Variants in STN1 observed in about 807,000 individuals in gnomAD.
STN1 encodes the protein STN1 subunit of CST complex.
STN1 carries 29 observed loss-of-function variants against 45.5 expected under a neutral mutation model. The ratio of observed to expected loss-of-function variants is 0.64; its 90% confidence interval spans 0.47 to 0.87. The LOEUF is 0.87. STN1 is among the 40% of genes least tolerant of loss of function. STN1 has a pLI of 0.00. For synonymous variants in STN1, 148 were observed against 159.0 expected, an observed-to-expected ratio of 0.93 and a Z score of 0.52; for missense variants, 376 against 441.4, an observed-to-expected ratio of 0.85 and a Z score of 1.33.
At chr10:103,912,481 C>G (rs533614546) in intron 2 of STN1, among the ~76,000 whole-genome samples, 1 of 152,324 alleles carries the variant, frequency 6.6e-6, no homozygotes, top group South Asian at 2.1e-4. Flanking sequence ...GGATAGGGAG[C>G]CTGCAGAGAA....
chr10:103,890,276 A>G (rs1843131173), intron 8 of STN1, among the ~76,000 whole-genome samples: 1 of 152,160 alleles, frequency 6.6e-6, no homozygotes, highest in South Asian at 2.1e-4. Flanking sequence ...CTCAGCTCAC[A>G]AGGTTATGAC....
chr10:103,889,424 T>G (rs1843124302), intron 8 of STN1, among the ~76,000 whole-genome samples: 1 of 152,134 alleles, frequency 6.6e-6, no homozygotes, highest in African/African-American at 2.4e-5. Flanking sequence ...TCAACACTCA[T>G]AACACATTTT....
intron 7 of STN1, among the ~76,000 whole-genome samples, chr10:103,894,691 CA>C (rs75334190): frequency 0.038 from 4,014 of 106,382 alleles, 160 homozygotes; most frequent in African/African-American, 0.13. Context: ...TGCTCACAGG[CA>C]AAAAAAAAAA....
intron 7 of STN1, among the ~76,000 whole-genome samples, chr10:103,896,474 C>T (rs891105788): frequency 6.6e-6 from 1 of 152,060 alleles, no homozygotes; most frequent in Non-Finnish European, 1.5e-5. Context: ...AGTCACGTTA[C>T]AACAACAACA....
rs1843045577 is a variant in STN1 at position 103,878,547 on chromosome 10, A to C, written c.*4137T>G. On this transcript the variant is annotated 3_prime_UTR_variant, in exon 10 of 10. Transcript: ENST00000224950. ...ACTGCCCGGGCCGAGTCTGGCTTAC[A>C]CACCGGTTGAATTCTTGTCCAGCGC... 1 of 152,168 alleles carries C rather than the reference A, an allele frequency of 6.6e-6. No homozygotes were observed. The highest frequency in any genetic ancestry group is 6.5e-5 in the Admixed American group (1 of 15,274). The allele number at this position is 152,168 out of a possible 1,614,324, so 9.4% of individuals were successfully genotyped here. A position where few individuals can be genotyped will look rare whatever the true frequency, so the allele number is the denominator to read the frequency against.
Position 103,881,255 on chromosome 10 carries a change from A to G in STN1, c.*1429T>C, listed in dbSNP as rs1211012336. ...CATCTCCTTGAGATAAACCCCTAAGAGCAGAGTTGCTATAGGCAAGGGTAT... is the reference window on the plus strand; with the variant it reads ...CATCTCCTTGAGATAAACCCCTAAGGGCAGAGTTGCTATAGGCAAGGGTAT... On this transcript the variant is annotated 3_prime_UTR_variant, in exon 10 of 10. Coordinates refer to ENST00000224950, the MANE Select transcript of STN1 (RefSeq NM_024928.5). Among the ~76,000 whole-genome samples the G allele has an allele frequency of 6.6e-6, 1 of 152,188 alleles. No homozygotes were observed. The highest frequency in any genetic ancestry group is 2.4e-5 in the African/African-American group (1 of 41,450).
intron 2 of STN1, among the ~76,000 whole-genome samples, chr10:103,910,952 A>G (rs531794142): frequency 6.6e-6 from 1 of 151,632 alleles, no homozygotes; most frequent in East Asian, 1.9e-4. Flanking sequence ...GACCAAACAC[A>G]GGACTATATT....
rs150242092 is a variant in STN1, at chr10:103,915,825, C to T, written c.133+1637G>A. Reference sequence around the variant, plus strand: ...TTTCCGGGGATGGGGGTTGGGGGAACGGTTTGGGGATGAAACTGTTCCACC... The same window carrying T: ...TTTCCGGGGATGGGGGTTGGGGGAATGGTTTGGGGATGAAACTGTTCCACC... On this transcript the variant is annotated intron_variant, in intron 2 of 9. Coordinates refer to ENST00000224950, the MANE Select transcript of STN1 (RefSeq NM_024928.5). Among the ~76,000 whole-genome samples, 390 of 152,102 alleles carry T rather than the reference C, an allele frequency of 2.6e-3. 3 individuals are homozygous for T. Among genetic ancestry groups the T allele is most frequent in the African/African-American group, 9.0e-3 (373 of 41,508 alleles).
At chr10:103,901,838 G>C (rs114771010) in intron 4 of STN1, among the ~76,000 whole-genome samples, 156 of 152,158 alleles carry the variant, frequency 1.0e-3, no homozygotes, top group African/African-American at 3.6e-3. Context: ...ATGCTTGCCA[G>C]AAAAAAATGA....
chr10:103,893,715 G>A lies in STN1; in HGVS notation c.754-1463C>T, dbSNP rs146473696. ...CAGGGTCTCAAGTGTTCACAAGTCC[G>A]TCCCAAAGTAACCTTCTCTTTCTAG... is the stretch of plus-strand genomic sequence containing the variant. On this transcript the variant is annotated intron_variant, in intron 7 of 9. Transcript: ENST00000224950. 5.5e-4 allele frequency among the ~76,000 whole-genome samples: 84 copies of A among 152,264 alleles called. 2 individuals carry two copies. Among genetic ancestry groups the A allele is most frequent in the African/African-American group, 1.9e-3 (81 of 41,554 alleles).
At chr10:103,889,581 G>GAA (rs35804344) in intron 8 of STN1, among the ~76,000 whole-genome samples, 10 of 111,626 alleles carry the variant, frequency 9.0e-5, no homozygotes, top group African/African-American at 3.0e-4. Flanking sequence ...AATAAAAGGA[G>GAA]AAAAAAAAAA....
chr10:103,916,721 A>C lies in STN1; in HGVS notation c.133+741T>G, dbSNP rs182603246. ...TTACACAGCTACGTGAATTATTTAAATCCACCCCAAACTATACTTGTTATA... is the reference window on the plus strand; with the variant it reads ...TTACACAGCTACGTGAATTATTTAACTCCACCCCAAACTATACTTGTTATA... On this transcript the variant is annotated intron_variant, in intron 2 of 9. Coordinates refer to ENST00000224950, the MANE Select transcript of STN1 (RefSeq NM_024928.5). Among the ~76,000 whole-genome samples, 187 of 152,146 alleles carry C rather than the reference A, an allele frequency of 1.2e-3. 1 individual carries two copies. Among genetic ancestry groups the C allele is most frequent in the African/African-American group, 4.3e-3 (179 of 41,498 alleles).
intron 2 of STN1, among the ~76,000 whole-genome samples, chr10:103,914,374 ATTT>A (rs1264013304): frequency 4.1e-5 from 4 of 97,358 alleles, no homozygotes; most frequent in Non-Finnish European, 7.4e-5. Flanking sequence ...ATATATATAT[ATTT>A]TTTTTTTTTT....
At position 103,892,445 on chromosome 10, in the gene STN1, AC is replaced by A. The variant is rs1264283368; in HGVS notation, c.754-194del. Among the ~76,000 whole-genome samples the A allele has an allele frequency of 3.3e-5, 5 of 151,472 alleles. 1 individual carries two copies. In the South Asian group the frequency reaches 1.0e-3, roughly 32 times the overall value. ...ACTGAGAAGTGTGCCCCGGCAGGTC[AC>A]CTTTCATAACTGTTCCCTACCTTAG... On this transcript the variant is annotated intron_variant, in intron 7 of 9. Transcript: ENST00000224950.
intron 7 of STN1, among the ~76,000 whole-genome samples, chr10:103,893,585 A>C (rs1191548207): frequency 6.6e-6 from 1 of 152,224 alleles, no homozygotes; most frequent in Non-Finnish European, 1.5e-5. Context: ...ACCTCTATTG[A>C]AAGGTACTTA....
At chr10:103,888,120 C>T (rs1473210354) in intron 9 of STN1, among the ~76,000 whole-genome samples, 2 of 152,196 alleles carry the variant, frequency 1.3e-5, no homozygotes, top group Non-Finnish European at 2.9e-5. Flanking sequence ...GCTGTCACAC[C>T]ACTCTGGGAT....
In STN1 at chr10:103,909,426, ATATATATGTATATATATGTATATATG is replaced by A. The variant is rs1315737208; in HGVS notation, c.229+1075_229+1100del. Among the ~76,000 whole-genome samples the A allele has an allele frequency of 1.5e-3, 84 of 57,054 alleles. 13 individuals carry two copies. The highest frequency in any genetic ancestry group is 1.6e-3 in the Non-Finnish European group (48 of 30,876). 37.4% of individuals were successfully genotyped at this position (57,054 alleles called of 152,430 possible). ...TATATATGTATATATGTATATATGTATATATATGTATATATATGTATATATGTATATATGTATATATATGTATATAT... is the reference window on the plus strand; with the variant it reads ...TATATATGTATATATGTATATATGTATATATATGTATATATATGTATATAT... On this transcript the variant is annotated intron_variant, in intron 3 of 9. Transcript: ENST00000224950.
Position 103,910,693 on chromosome 10 carries a change from TA to T in STN1, c.134-72del. The T allele has an allele frequency of 6.0e-6, 5 of 834,664 alleles. No homozygotes were observed. In the Admixed American group the frequency reaches 1.0e-4, roughly 17 times the overall value. The allele number at this position is 834,664 out of a possible 1,614,324, so 51.7% of individuals were successfully genotyped here. A position where few individuals can be genotyped will look rare whatever the true frequency, so the allele number is the denominator to read the frequency against. On this transcript the variant is annotated intron_variant, in intron 2 of 9. Coordinates refer to ENST00000224950, the MANE Select transcript of STN1 (RefSeq NM_024928.5). ...TTCTGCTTCAATAAATCTTAACTTG[TA>T]GGGGGGAAGGGAGTGTAAAAAAATC... is the stretch of plus-strand genomic sequence containing the variant.
At chr10:103,884,906 T>G (rs1478867165) in intron 9 of STN1, among the ~76,000 whole-genome samples, 2 of 152,222 alleles carry the variant, frequency 1.3e-5, no homozygotes, top group Non-Finnish European at 2.9e-5. Context: ...CTGGGATTGC[T>G]GGCATCTATA....
Sources: allele counts gnomAD v4.1 joint callset (sites outside exome capture counted in the v4.1 genomes callset), GRCh38; gene constraint gnomAD v4.1.1; transcripts MANE v1.5; gene names NCBI Gene and HGNC (gene_info 2026-07-23, HGNC 2026-07-21).